Variants in CDH9 observed in about 807,000 individuals in gnomAD.
The protein encoded by CDH9 is cadherin 9, also known as cadherin-9.
A neutral mutation model predicts 70.9 loss-of-function variants in CDH9; 28 were observed. That is an observed-to-expected ratio of 0.40 (90% CI 0.29 to 0.54). The LOEUF is 0.54. Ranked by LOEUF, CDH9 falls within the 20% of genes least tolerant of loss-of-function variation. The pLI is 0.59. For synonymous variants in CDH9, 409 were observed against 343.1 expected (o/e 1.19, Z -2.12); for missense variants, 874 against 984.4 (o/e 0.89, Z 1.50).
intron 3 of CDH9, among the ~76,000 whole-genome samples, chr5:26,909,536 CTT>C (rs200596019): frequency 1.8e-3 from 252 of 140,316 alleles, no homozygotes; most frequent in African/African-American, 6.0e-3. Context: ...CATTTTTTTT[CTT>C]TTTTTTTTTT....
At chr5:27,019,177 G>A (rs563660949) in intron 1 of CDH9, among the ~76,000 whole-genome samples, 2 of 151,888 alleles carry the variant, frequency 1.3e-5, no homozygotes, top group African/African-American at 4.8e-5. Context: ...CTAGAATGAA[G>A]TATTTGGGTA....
At chr5:26,911,891 C>T (rs1388284951) in intron 3 of CDH9, among the ~76,000 whole-genome samples, 1 of 151,832 alleles carries the variant, frequency 6.6e-6, no homozygotes, top group Non-Finnish European at 1.5e-5. Context: ...TGAAATATGG[C>T]ATATGATTGT....
chr5:27,019,826 T>G (rs77929103), intron 1 of CDH9, among the ~76,000 whole-genome samples: 3,646 of 152,028 alleles, frequency 0.024, 160 homozygotes, highest in African/African-American at 0.083. Flanking sequence ...AACAGAAAAT[T>G]TAAGACAGAG....
intron 7 of CDH9, among the ~76,000 whole-genome samples, chr5:26,896,998 T>A (rs1449459487): frequency 6.6e-6 from 1 of 151,888 alleles, no homozygotes; most frequent in Non-Finnish European, 1.5e-5. Flanking sequence ...TCACCAGTGA[T>A]CCCACAGAAA....
chr5:26,962,038 C>T (rs141579787), intron 2 of CDH9, among the ~76,000 whole-genome samples: 167 of 152,252 alleles, frequency 1.1e-3, no homozygotes, highest in African/African-American at 3.8e-3. Context: ...CATGTGTTCT[C>T]ATTGTTAAAC....
At chr5:26,912,873 G>T (rs1042013743) in intron 3 of CDH9, among the ~76,000 whole-genome samples, 1 of 152,028 alleles carries the variant, frequency 6.6e-6, no homozygotes, top group Non-Finnish European at 1.5e-5. Flanking sequence ...AATTATGGGG[G>T]AGGGTCTTTT....
At chr5:26,935,917 G>C (rs1337881640) in intron 2 of CDH9, among the ~76,000 whole-genome samples, 1 of 152,122 alleles carries the variant, frequency 6.6e-6, no homozygotes, top group Non-Finnish European at 1.5e-5. Flanking sequence ...CTACTACTCA[G>C]CCATGACAAG....
chr5:26,906,695 G>A (rs1307433753), intron 4 of CDH9, 24 bp downstream of exon 4: 1 of 1,611,098 alleles, frequency 6.2e-7, no homozygotes, highest in Non-Finnish European at 8.5e-7. Context: ...ACAATAAGAA[G>A]TCAGCCAAGT....
chr5:26,883,090 TATATAAAA>T (rs1740499666), intron 11 of CDH9, among the ~76,000 whole-genome samples: 5 of 116,202 alleles, frequency 4.3e-5, no homozygotes, highest in African/African-American at 1.7e-4. Flanking sequence ...TATATATATA[TATATAAAA>T]CTGCAGTAAA....
At chr5:26,992,208 C>T (rs760909381) in intron 1 of CDH9, among the ~76,000 whole-genome samples, 2 of 152,160 alleles carry the variant, frequency 1.3e-5, no homozygotes, top group Non-Finnish European at 2.9e-5. Flanking sequence ...CTGCCTGCTG[C>T]TCACCTCCTG....
chr5:26,890,709 T>C, intron 7 of CDH9, 145 bp from the exon 8 acceptor site: 1 of 606,326 alleles, frequency 1.6e-6, no homozygotes, highest in South Asian at 2.1e-5. Context: ...TTTTATTTTA[T>C]AGAATTGTTA....
chr5:26,990,941 T>C (rs1452522409), intron 1 of CDH9, among the ~76,000 whole-genome samples: 1 of 152,196 alleles, frequency 6.6e-6, no homozygotes, highest in Non-Finnish European at 1.5e-5. Flanking sequence ...TCTAGTTTTA[T>C]GAGATGGGGC....
intron 1 of CDH9, among the ~76,000 whole-genome samples, chr5:26,992,854 T>C (rs919081171): frequency 2.0e-5 from 3 of 152,102 alleles, no homozygotes; most frequent in African/African-American, 7.2e-5. Context: ...CCTAGCACAT[T>C]AGAAGGCCGA....
At chr5:26,882,738 G>C (rs1161338366) in intron 11 of CDH9, among the ~76,000 whole-genome samples, 1 of 151,820 alleles carries the variant, frequency 6.6e-6, no homozygotes, top group Non-Finnish European at 1.5e-5. Flanking sequence ...CTGTTTGTCA[G>C]TATTATTTAT....
intron 1 of CDH9, among the ~76,000 whole-genome samples, chr5:27,004,535 A>G (rs1347276580): frequency 6.6e-6 from 1 of 152,134 alleles, no homozygotes; most frequent in Non-Finnish European, 1.5e-5. Context: ...AGGAAGAGAA[A>G]ATAATGAGGA....
At chr5:26,903,900 T>G (rs1740901768) in intron 5 of CDH9, 76 bp from the exon 6 acceptor site, 2 of 732,312 alleles carry the variant, frequency 2.7e-6, no homozygotes, top group Middle Eastern at 2.4e-4. Flanking sequence ...ATTTTTAACT[T>G]AAATACATTA....
rs538173478 is a variant in CDH9 at position 26,980,685 on chromosome 5, C to T, written c.228+7421G>A. ...GTTTCTAAACAAACAAACATGCATA[C>T]ATTATTAATTTGGAGATGATTCTAG... On this transcript the variant is annotated intron_variant, in intron 2 of 11. Coordinates refer to ENST00000231021, the MANE Select transcript of CDH9 (RefSeq NM_016279.4). Among the ~76,000 whole-genome samples, 7 of 152,018 alleles carry T rather than the reference C, an allele frequency of 4.6e-5. No individual in the cohort carries two copies. In the East Asian group the frequency reaches 1.4e-3, roughly 29 times the overall value.
chr5:26,882,103 A>T (rs1740478204), intron 11 of CDH9, among the ~76,000 whole-genome samples: 1 of 152,100 alleles, frequency 6.6e-6, no homozygotes, highest in South Asian at 2.1e-4. Flanking sequence ...TTTATATATT[A>T]TGAGTGTACA....
intron 2 of CDH9, among the ~76,000 whole-genome samples, chr5:26,938,568 CA>C (rs1486121130): frequency 1.2e-4 from 18 of 151,998 alleles, no homozygotes; most frequent in Non-Finnish European, 2.9e-5. Flanking sequence ...AACTCTCTGG[CA>C]ATTTTGAATA....
Sources: gnomAD v4.1 joint callset for allele counts (sites outside exome capture counted in the v4.1 genomes callset) on GRCh38, gnomAD v4.1.1 for gene constraint, MANE v1.5 for transcripts, NCBI Gene and HGNC (gene_info 2026-07-23, HGNC 2026-07-21) for gene names.